Variants in PLXNA4 observed in about 807,000 individuals in gnomAD.
The protein encoded by PLXNA4 is plexin A4, also known as plexin-A4.
Under a neutral mutation model 191.8 loss-of-function variants are expected in PLXNA4, and 44 were observed. The observed-to-expected ratio is 0.23, with a 90% CI of 0.18 to 0.29. The LOEUF (loss-of-function observed/expected upper bound fraction) is 0.29. Among genes scored for constraint, PLXNA4 ranks in the 10% least tolerant of loss-of-function variants. The pLI is 1.00. For missense variants in PLXNA4, 1,800 were observed against 2,488.8 expected (o/e 0.72, Z 5.89); for synonymous variants, 1,082 against 1,009.5 (o/e 1.07, Z -1.36).
At chr7:132,187,180 C>G (rs995671142) in intron 15 of PLXNA4, among the ~76,000 whole-genome samples, 2 of 152,142 alleles carry the variant, frequency 1.3e-5, no homozygotes, top group African/African-American at 4.8e-5. Flanking sequence ...CCTAACCCCC[C>G]GCCTGCCAAA....
chr7:132,178,748 T>TACACACACACACAC (rs55690930), intron 20 of PLXNA4, among the ~76,000 whole-genome samples: 1 of 103,236 alleles, frequency 9.7e-6, no homozygotes, highest in Non-Finnish European at 1.9e-5. Flanking sequence ...ATGAAACACA[T>TACACACACACACAC]ACACACACAC....
chr7:132,524,952 T>C (rs898142503), intron 1 of PLXNA4, among the ~76,000 whole-genome samples: 13 of 152,176 alleles, frequency 8.5e-5, no homozygotes, highest in African/African-American at 3.1e-4. Flanking sequence ...TTCACAACTT[T>C]TAAGCGTACA....
chr7:132,382,094 T>C (rs1160837754), intron 3 of PLXNA4, among the ~76,000 whole-genome samples: 6 of 152,130 alleles, frequency 3.9e-5, no homozygotes, highest in Non-Finnish European at 8.8e-5. Context: ...GCTGGGGACT[T>C]TTCTGGGCTG....
rs186099833 is a variant in PLXNA4, at chr7:132,459,867, G to A, written c.1371+29425C>T. Among the ~76,000 whole-genome samples the A allele has an allele frequency of 1.1e-4, 17 of 152,330 alleles. No homozygotes were observed. The East Asian group carries it at 3.3e-3, about 29-fold the overall frequency. ...TCCAGAAGTGTAGATAATTGGAGTTGACTAAATTGTGAAAATATCTGATTT... is the reference window on the plus strand; with the variant it reads ...TCCAGAAGTGTAGATAATTGGAGTTAACTAAATTGTGAAAATATCTGATTT... On this transcript the variant is annotated intron_variant, in intron 3 of 31. Transcript: ENST00000321063.
chr7:132,354,869 A>G (rs187215276), intron 3 of PLXNA4, among the ~76,000 whole-genome samples: 2 of 152,334 alleles, frequency 1.3e-5, no homozygotes, highest in Admixed American at 6.5e-5. Flanking sequence ...CCTTTTCAGC[A>G]TGAGCATAAA....
At chr7:132,611,750 C>G (rs1585404412) in intron 2 of PLXNA4, among the ~76,000 whole-genome samples, 1 of 152,270 alleles carries the variant, frequency 6.6e-6, no homozygotes, top group South Asian at 2.1e-4. Context: ...GAGAGAGAAC[C>G]AGTAGAAAGG....
At chr7:132,506,674 C>A (rs1798477055) in intron 2 of PLXNA4, among the ~76,000 whole-genome samples, 2 of 152,152 alleles carry the variant, frequency 1.3e-5, no homozygotes, top group African/African-American at 4.8e-5. Context: ...CTGTGACAGG[C>A]AGGAGTCTGT....
At chr7:132,554,600 G>T (rs183632359) in intron 1 of PLXNA4, among the ~76,000 whole-genome samples, 2 of 152,194 alleles carry the variant, frequency 1.3e-5, no homozygotes, top group Non-Finnish European at 2.9e-5. Flanking sequence ...AAGCTAAGGT[G>T]CCTGGAAGAA....
At chr7:132,298,701 C>T (rs1371561756) in intron 3 of PLXNA4, among the ~76,000 whole-genome samples, 1 of 152,254 alleles carries the variant, frequency 6.6e-6, no homozygotes, top group Non-Finnish European at 1.5e-5. Flanking sequence ...GTGAACCAGG[C>T]AGGGGGCCAA....
intron 2 of PLXNA4, among the ~76,000 whole-genome samples, chr7:132,630,785 A>C (rs1306385391): frequency 1.3e-5 from 2 of 152,212 alleles, no homozygotes; most frequent in African/African-American, 4.8e-5. Flanking sequence ...AGCTGGGATT[A>C]CAGGCGTGAG....
intron 1 of PLXNA4, among the ~76,000 whole-genome samples, chr7:132,517,295 G>A (rs1485998810): frequency 1.3e-5 from 2 of 152,132 alleles, no homozygotes; most frequent in Non-Finnish European, 2.9e-5. Context: ...TGAATAGCAA[G>A]GTCATGGTGA....
intron 3 of PLXNA4, among the ~76,000 whole-genome samples, chr7:132,394,658 C>T (rs116438581): frequency 0.012 from 1,895 of 152,314 alleles, 41 homozygotes; most frequent in African/African-American, 0.042. Flanking sequence ...TCACATCGCA[C>T]GCAACATGCA....
intron 2 of PLXNA4, among the ~76,000 whole-genome samples, chr7:132,496,148 G>A (rs570771670): frequency 1.3e-5 from 2 of 152,310 alleles, no homozygotes; most frequent in African/African-American, 4.8e-5. Flanking sequence ...ATGACTTTGA[G>A]GAAGAGGCGA....
At chr7:132,470,705 G>A (rs1190401639) in intron 3 of PLXNA4, among the ~76,000 whole-genome samples, 4 of 152,210 alleles carry the variant, frequency 2.6e-5, no homozygotes, top group Non-Finnish European at 4.4e-5. Flanking sequence ...GTCAGAGGGA[G>A]GGAGACTTGA....
At chr7:132,337,834 T>G (rs2116729057) in intron 3 of PLXNA4, among the ~76,000 whole-genome samples, 2 of 152,306 alleles carry the variant, frequency 1.3e-5, no homozygotes, top group East Asian at 3.9e-4. Context: ...TTCTTGAACT[T>G]TTGGAGAAAA....
At chr7:132,603,950 T>C (rs1421597620) in intron 2 of PLXNA4, among the ~76,000 whole-genome samples, 1 of 152,206 alleles carries the variant, frequency 6.6e-6, no homozygotes, top group East Asian at 1.9e-4. Flanking sequence ...TGGTGCCTTA[T>C]TGGGAAAGTT....
At chr7:132,503,031 A>C (rs571783430) in intron 2 of PLXNA4, among the ~76,000 whole-genome samples, 2 of 152,320 alleles carry the variant, frequency 1.3e-5, no homozygotes, top group East Asian at 1.9e-4. Context: ...CACCTTCTGC[A>C]TGCCACCTTT....
intron 4 of PLXNA4, among the ~76,000 whole-genome samples, chr7:132,294,797 A>G (rs1801016433): frequency 6.6e-6 from 1 of 152,176 alleles, no homozygotes; most frequent in South Asian, 2.1e-4. Context: ...TGGTGCTCTT[A>G]GAAGAAGAGG....
At chr7:132,239,746 G>A (rs2117032914) in intron 5 of PLXNA4, among the ~76,000 whole-genome samples, 1 of 152,306 alleles carries the variant, frequency 6.6e-6, no homozygotes, top group South Asian at 2.1e-4. Flanking sequence ...CTGTTAGCAT[G>A]CAACCTTTCT....
Sources: allele counts gnomAD v4.1 joint callset (sites outside exome capture counted in the v4.1 genomes callset), GRCh38; gene constraint gnomAD v4.1.1; transcripts MANE v1.5; gene names NCBI Gene and HGNC (gene_info 2026-07-23, HGNC 2026-07-21).